Variants in GRIK2 observed in about 807,000 individuals in gnomAD.
The protein encoded by GRIK2 is glutamate ionotropic receptor kainate type subunit 2, also known as glutamate receptor ionotropic, kainate 2.
A neutral mutation model predicts 100.3 loss-of-function variants in GRIK2; 32 were observed. That is an observed-to-expected ratio of 0.32 (90% confidence interval 0.24 to 0.43). The LOEUF (loss-of-function observed/expected upper bound fraction) is 0.43, where lower values mean the gene tolerates loss of function less well. Among genes scored for constraint, GRIK2 ranks in the 20% least tolerant of loss-of-function variants. The pLI is 1.00. For synonymous variants in GRIK2, 417 were observed against 389.4 expected (o/e 1.07, Z -0.83); for missense variants, 843 against 1,114.9 (o/e 0.76, Z 3.47).
chr6:101,612,716 A>ATATGTGTG (rs372668116), intron 2 of GRIK2, among the ~76,000 whole-genome samples: 6 of 143,324 alleles, frequency 4.2e-5, no homozygotes, highest in African/African-American at 1.5e-4. Context: ...GTATGTGTTA[A>ATATGTGTG]TGTGTGTGTG....
chr6:101,995,925 A>G (rs756452434), intron 14 of GRIK2, among the ~76,000 whole-genome samples: 6 of 152,050 alleles, frequency 3.9e-5, no homozygotes, highest in African/African-American at 1.4e-4. Context: ...TAAAATTTAT[A>G]CAATTCTATT....
At chr6:102,065,392 T>G (rs1356034833) in intron 16 of GRIK2, among the ~76,000 whole-genome samples, 1 of 151,460 alleles carries the variant, frequency 6.6e-6, no homozygotes, top group Admixed American at 6.6e-5. Flanking sequence ...ATGTTCTTAT[T>G]TGTAGTCTGA....
intron 14 of GRIK2, among the ~76,000 whole-genome samples, chr6:101,930,915 A>G (rs143172947): frequency 1.6e-4 from 25 of 152,210 alleles, no homozygotes; most frequent in Admixed American, 3.3e-4. Context: ...AACAGCACAT[A>G]TATTATTTCT....
At chr6:101,878,169 T>G (rs1360083763) in intron 11 of GRIK2, among the ~76,000 whole-genome samples, 1 of 149,554 alleles carries the variant, frequency 6.7e-6, no homozygotes, top group Non-Finnish European at 1.5e-5. Context: ...TTTGTATTTT[T>G]TTCTTGATGG....
At chr6:101,894,340 C>CA (rs1288083242) in intron 12 of GRIK2, among the ~76,000 whole-genome samples, 1 of 151,614 alleles carries the variant, frequency 6.6e-6, no homozygotes, top group Non-Finnish European at 1.5e-5. Context: ...CTCCTGTAAG[C>CA]AGTTATATTA....
intron 10 of GRIK2, among the ~76,000 whole-genome samples, chr6:101,827,895 T>G (rs565516199): frequency 5.3e-5 from 8 of 151,894 alleles, no homozygotes; most frequent in African/African-American, 1.9e-4. Context: ...AACAAAGAAA[T>G]TCTGCACTTA....
intron 4 of GRIK2, among the ~76,000 whole-genome samples, chr6:101,643,290 C>T (rs1348612153): frequency 1.3e-5 from 2 of 151,436 alleles, no homozygotes; most frequent in African/African-American, 4.8e-5. Flanking sequence ...TAAATCATTG[C>T]CAAATCTAAT....
intron 12 of GRIK2, among the ~76,000 whole-genome samples, chr6:101,898,200 T>C (rs961604489): frequency 1.3e-5 from 2 of 151,890 alleles, no homozygotes; most frequent in African/African-American, 2.4e-5. Flanking sequence ...ATGTTTTCTT[T>C]TTGTTGAATG....
chr6:101,775,737 T>C (rs1778704891), intron 7 of GRIK2, among the ~76,000 whole-genome samples: 1 of 151,600 alleles, frequency 6.6e-6, no homozygotes, highest in South Asian at 2.1e-4. Context: ...AAGATACAGA[T>C]TTCTTCATAT....
chr6:101,621,818 C>A, intron 2 of GRIK2, 131 bp from the exon 3 acceptor site: 1 of 662,516 alleles, frequency 1.5e-6, no homozygotes, highest in East Asian at 2.7e-5. Context: ...CTCTTTCTCT[C>A]TCTCACACAC....
intron 7 of GRIK2, among the ~76,000 whole-genome samples, chr6:101,715,645 G>A (rs1225212436): frequency 6.6e-6 from 1 of 151,718 alleles, no homozygotes; most frequent in Non-Finnish European, 1.5e-5. Flanking sequence ...GAGTTTTTAT[G>A]GCAGTCTTCA....
intron 7 of GRIK2, among the ~76,000 whole-genome samples, chr6:101,713,222 G>C (rs926196341): frequency 2.6e-5 from 4 of 151,626 alleles, no homozygotes; most frequent in African/African-American, 9.7e-5. Flanking sequence ...AATAAACTTA[G>C]AGGCATGGTA....
At chr6:101,889,164 G>C (rs1033636368) in intron 11 of GRIK2, among the ~76,000 whole-genome samples, 1 of 151,862 alleles carries the variant, frequency 6.6e-6, no homozygotes, top group African/African-American at 2.4e-5. Context: ...TCTTTTAACT[G>C]TATTCTATAT....
chr6:101,797,510 A>T (rs759139717), intron 7 of GRIK2, among the ~76,000 whole-genome samples: 3 of 150,406 alleles, frequency 2.0e-5, no homozygotes, highest in South Asian at 4.1e-4. Flanking sequence ...TAAATATATT[A>T]ATTACCCATA....
intron 2 of GRIK2, among the ~76,000 whole-genome samples, chr6:101,480,786 T>C (rs1243912218): frequency 6.6e-6 from 1 of 152,186 alleles, no homozygotes; most frequent in East Asian, 1.9e-4. Flanking sequence ...TCTTCTTCAG[T>C]CTTCTTTTTG....
At chr6:101,592,624 T>TATATATATATATATATATATATATA (rs71028078) in intron 2 of GRIK2, among the ~76,000 whole-genome samples, 16 of 133,504 alleles carry the variant, frequency 1.2e-4, no homozygotes, top group African/African-American at 1.1e-4. Flanking sequence ...TATATATATA[T>TATATATATATATATATATATATATA]TGCTTTTTCA....
intron 7 of GRIK2, among the ~76,000 whole-genome samples, chr6:101,747,476 T>G (rs1776490209): frequency 6.6e-6 from 1 of 152,168 alleles, no homozygotes; most frequent in Non-Finnish European, 1.5e-5. Flanking sequence ...ATGACTAGCT[T>G]TGTTCAATTA....
chr6:101,675,976 A>G (rs1770805726), intron 4 of GRIK2, among the ~76,000 whole-genome samples: 1 of 152,234 alleles, frequency 6.6e-6, no homozygotes, highest in Admixed American at 6.5e-5. Flanking sequence ...AAACCAAGTA[A>G]CCAAAGTTTC....
chr6:101,949,183 T>A (rs963128244), intron 14 of GRIK2, among the ~76,000 whole-genome samples: 1 of 151,540 alleles, frequency 6.6e-6, no homozygotes, highest in East Asian at 1.9e-4. Context: ...TTTGTTGTTG[T>A]TGTTGTGTTT....
Sources: gnomAD v4.1 joint callset for allele counts (sites outside exome capture counted in the v4.1 genomes callset) on GRCh38, gnomAD v4.1.1 for gene constraint, MANE v1.5 for transcripts, NCBI Gene and HGNC (gene_info 2026-07-23, HGNC 2026-07-21) for gene names.